The following CDH18 variants were observed in gnomAD, a reference collection of about 807,000 sequenced individuals.
CDH18 encodes the protein cadherin-18.
Under a neutral mutation model 67.9 loss-of-function variants are expected in CDH18, and 31 were observed. The ratio of observed to expected loss-of-function variants is 0.46; its 90% CI spans 0.34 to 0.62. CDH18 has a LOEUF of 0.62. CDH18 is among the 20% of genes least tolerant of loss of function. The probability of loss-of-function intolerance (pLI) is 0.01; values close to 1 mark genes in which losing one functional copy is unlikely to be tolerated. For synonymous variants in CDH18, 362 were observed against 347.2 expected (o/e 1.04, Z -0.48); for missense variants, 890 against 975.5 (o/e 0.91, Z 1.17).
At chr5:20,082,593 G>GAGTTGTGTCCCTCA (rs1744579134) in intron 2 of CDH18, among the ~76,000 whole-genome samples, 1 of 152,042 alleles carries the variant, frequency 6.6e-6, no homozygotes, top group African/African-American at 2.4e-5. Context: ...ATTATGAGTT[G>GAGTTGTGTCCCTCA]AGTTGTGTCC....
At chr5:19,943,029 T>C (rs1794972502) in intron 2 of CDH18, among the ~76,000 whole-genome samples, 1 of 152,128 alleles carries the variant, frequency 6.6e-6, no homozygotes, top group South Asian at 2.1e-4. Flanking sequence ...TTGAGCTTAG[T>C]TCTATCTAGC....
At chr5:20,246,581 T>C (rs1743393615) in intron 2 of CDH18, among the ~76,000 whole-genome samples, 1 of 128,598 alleles carries the variant, frequency 7.8e-6, no homozygotes, top group Admixed American at 8.0e-5. Flanking sequence ...GAAGTAAAAA[T>C]GCAAGCAAGA....
At chr5:20,444,295 A>T (rs1198244590) in intron 1 of CDH18, among the ~76,000 whole-genome samples, 1 of 152,236 alleles carries the variant, frequency 6.6e-6, no homozygotes, top group Non-Finnish European at 1.5e-5. Flanking sequence ...AGCTGTTTAA[A>T]CTATTTCTTC....
intron 1 of CDH18, among the ~76,000 whole-genome samples, chr5:20,445,882 C>A (rs1749959124): frequency 6.6e-6 from 1 of 152,054 alleles, no homozygotes; most frequent in East Asian, 1.9e-4. Context: ...AATACACTCT[C>A]AGAGGGAGAG....
At chr5:20,239,511 T>C (rs562277320) in intron 2 of CDH18, among the ~76,000 whole-genome samples, 1 of 152,162 alleles carries the variant, frequency 6.6e-6, no homozygotes, top group Admixed American at 6.5e-5. Flanking sequence ...AAGTAATTTA[T>C]ATTACCAGAC....
chr5:20,277,439 C>T (rs987012402), intron 1 of CDH18, among the ~76,000 whole-genome samples: 6 of 152,144 alleles, frequency 3.9e-5, no homozygotes, highest in Admixed American at 6.6e-5. Flanking sequence ...AAGAGCCACA[C>T]CATTACTGGG....
intron 2 of CDH18, among the ~76,000 whole-genome samples, chr5:20,081,741 A>G (rs1202321350): frequency 6.6e-6 from 1 of 152,144 alleles, no homozygotes; most frequent in Admixed American, 6.6e-5. Flanking sequence ...GGAGCTAAAC[A>G]TTGAGTACAT....
In CDH18 at chr5:19,747,128, T is replaced by G; in HGVS notation, c.337A>C (p.Thr113Pro). 3.1e-6 allele frequency: 5 copies of G among 1,614,148 alleles called. No homozygotes were observed. Among genetic ancestry groups the G allele is most frequent in the Non-Finnish European group, 4.2e-6 (5 of 1,180,004 alleles). Residue 113 changes from threonine to proline, a missense_variant, in exon 4 of 13, where the codon ACA becomes CCA. By Grantham distance (38) the Thr-to-Pro change is conservative. Transcript: ENST00000382275. ...IDDTTGDIHS[T>P]KSLDREQKTH... Reference sequence around the variant, plus strand: ...TTCTGCTCTCTGTCTAGGCTTTTTGTTGAGTGGATATCACCCGTGGTATCG... The same window carrying G: ...TTCTGCTCTCTGTCTAGGCTTTTTGGTGAGTGGATATCACCCGTGGTATCG...
intron 2 of CDH18, among the ~76,000 whole-genome samples, chr5:20,043,409 T>C (rs1312191491): frequency 1.3e-5 from 2 of 152,174 alleles, no homozygotes; most frequent in African/African-American, 4.8e-5. Flanking sequence ...CTTTAAGGAA[T>C]TAAACAATAG....
chr5:20,120,908 C>T (rs1561806821), intron 2 of CDH18, among the ~76,000 whole-genome samples: 2 of 152,068 alleles, frequency 1.3e-5, no homozygotes, highest in African/African-American at 2.4e-5. Context: ...AATTACCATT[C>T]TTATAGCAAA....
At chr5:19,959,500 A>T (rs994436963) in intron 2 of CDH18, among the ~76,000 whole-genome samples, 2 of 152,050 alleles carry the variant, frequency 1.3e-5, no homozygotes, top group African/African-American at 4.8e-5. Flanking sequence ...TCCATGTTTA[A>T]TTCCAAGAAA....
At chr5:19,602,204 G>A (rs556644083) in intron 6 of CDH18, among the ~76,000 whole-genome samples, 135 of 151,874 alleles carry the variant, frequency 8.9e-4, no homozygotes, top group African/African-American at 3.1e-3. Flanking sequence ...AAAGCCATAG[G>A]GAGTACACAA....
At position 19,543,830 on chromosome 5, in the gene CDH18, C is replaced by G. The variant is rs112891862; in HGVS notation, c.1390+39G>C. On this transcript the variant is annotated intron_variant, in intron 9 of 12. Transcript: ENST00000382275. ...GGAAATTTCAGTATGTCTTCTTGTA[C>G]AAGTGACATCTTTTACTGTGATACA... The G allele has an allele frequency of 6.1e-6, 9 of 1,466,122 alleles. No individual in the cohort carries two copies. In the African/African-American group the frequency reaches 7.0e-5, roughly 11 times the overall value. The allele number at this position is 1,466,122 out of a possible 1,614,324, so 90.8% of individuals were successfully genotyped here. A position where few individuals can be genotyped will look rare whatever the true frequency, so the allele number is the denominator to read the frequency against.
At position 19,472,883 on chromosome 5, in the gene CDH18, T is replaced by G. The variant is rs531021553; in HGVS notation, c.*343A>C. On this transcript the variant is annotated 3_prime_UTR_variant, in exon 13 of 13. Coordinates refer to ENST00000382275, the MANE Select transcript of CDH18 (RefSeq NM_004934.5). ...AGTGATCTTGAGCCTTTCTGTTTAG[T>G]TTTGCTTTTGAAAAAAATAAATCAC... 6.3e-5 allele frequency: 12 copies of G among 191,082 alleles called. No individual in the cohort carries two copies. In the Admixed American group the frequency reaches 6.4e-4, roughly 10 times the overall value. The allele number at this position is 191,082 out of a possible 1,614,324, so 11.8% of individuals were successfully genotyped here. A position where few individuals can be genotyped will look rare whatever the true frequency, so the allele number is the denominator to read the frequency against.
chr5:19,958,733 C>CCAGGATATACACAAAATTA (rs1796512706), intron 2 of CDH18, among the ~76,000 whole-genome samples: 1 of 152,060 alleles, frequency 6.6e-6, no homozygotes, highest in Non-Finnish European at 1.5e-5. Context: ...TATGCTTGAA[C>CCAGGATATACACAAAATTA]CAGTTTGTGT....
At chr5:19,953,026 T>A (rs1795948786) in intron 2 of CDH18, among the ~76,000 whole-genome samples, 2 of 152,242 alleles carry the variant, frequency 1.3e-5, no homozygotes, top group South Asian at 2.1e-4. Context: ...AAGCAATTAC[T>A]TGGGTGATAT....
chr5:20,037,281 C>T (rs1739961467), intron 2 of CDH18, among the ~76,000 whole-genome samples: 1 of 152,012 alleles, frequency 6.6e-6, no homozygotes. Context: ...TTTAGTGCTT[C>T]TTCAAGGAGC....
At chr5:19,578,462 G>C (rs1742683450) in intron 7 of CDH18, among the ~76,000 whole-genome samples, 1 of 151,544 alleles carries the variant, frequency 6.6e-6, no homozygotes, top group Admixed American at 6.6e-5. Flanking sequence ...TTTGTGTAGA[G>C]TTAAGAAAAT....
At chr5:20,295,150 C>T (rs1424698738) in intron 1 of CDH18, among the ~76,000 whole-genome samples, 2 of 152,140 alleles carry the variant, frequency 1.3e-5, no homozygotes, top group Non-Finnish European at 2.9e-5. Context: ...GTACTTTGAA[C>T]ATTGTATGTA....
Sources: gnomAD v4.1 joint callset for allele counts (sites outside exome capture counted in the v4.1 genomes callset) on GRCh38, gnomAD v4.1.1 for gene constraint, MANE v1.5 for transcripts, NCBI Gene and HGNC (gene_info 2026-07-23, HGNC 2026-07-21) for gene names.